Variants in NCBP1 observed in about 807,000 individuals in gnomAD.
NCBP1 encodes the protein nuclear cap-binding protein subunit 1.
Under a neutral mutation model 111.7 loss-of-function variants are expected in NCBP1, and 16 were observed. The observed-to-expected ratio is 0.14, with a 90% CI of 0.10 to 0.22. NCBP1 has a LOEUF of 0.22. Ranked by LOEUF, NCBP1 falls within the 10% of genes least tolerant of loss-of-function variation. The pLI is 1.00. For missense variants in NCBP1, 607 were observed against 957.5 expected (o/e 0.63, Z 4.83); for synonymous variants, 304 against 314.3 (o/e 0.97, Z 0.35).
chr9:97,639,151 T>C (rs1827132385), intron 1 of NCBP1, among the ~76,000 whole-genome samples: 1 of 152,218 alleles, frequency 6.6e-6, no homozygotes, highest in African/African-American at 2.4e-5. Context: ...TCAGCTCTCA[T>C]GCTGCATGCG....
intron 1 of NCBP1, among the ~76,000 whole-genome samples, chr9:97,635,554 G>A (rs1259752776): frequency 6.6e-6 from 1 of 151,940 alleles, no homozygotes; most frequent in African/African-American, 2.4e-5. Flanking sequence ...GGGACCACAG[G>A]CGCGGGCCAC....
intron 3 of NCBP1, among the ~76,000 whole-genome samples, chr9:97,642,311 T>G (rs1827225792): frequency 6.6e-6 from 1 of 152,224 alleles, no homozygotes; most frequent in African/African-American, 2.4e-5. Context: ...CTTGTATTGC[T>G]TCGCAGTGTT....
chr9:97,670,955 C>T, intron 22 of NCBP1, 131 bp from the exon 23 acceptor site: 2 of 527,714 alleles, frequency 3.8e-6, no homozygotes, highest in South Asian at 3.3e-5. Flanking sequence ...TCCATTGTTC[C>T]TATCAGCACT....
intron 10 of NCBP1, among the ~76,000 whole-genome samples, chr9:97,653,307 G>A (rs1309771749): frequency 6.6e-6 from 1 of 152,008 alleles, no homozygotes; most frequent in Non-Finnish European, 1.5e-5. Context: ...TTTTTGTAGA[G>A]ACAGAGTTTC....
At chr9:97,652,518 T>G (rs1351481325) in intron 10 of NCBP1, among the ~76,000 whole-genome samples, 1 of 152,118 alleles carries the variant, frequency 6.6e-6, no homozygotes, top group Non-Finnish European at 1.5e-5. Context: ...TGCCAGCTAC[T>G]TAGGGGTGGG....
intron 2 of NCBP1, among the ~76,000 whole-genome samples, chr9:97,641,188 A>C (rs1228305956): frequency 1.3e-5 from 2 of 152,290 alleles, no homozygotes; most frequent in East Asian, 3.9e-4. Flanking sequence ...CCAGAGTAAG[A>C]GAGTGAATTA....
intron 1 of NCBP1, among the ~76,000 whole-genome samples, chr9:97,634,901 A>G (rs1345120255): frequency 2.0e-5 from 3 of 152,232 alleles, no homozygotes; most frequent in Admixed American, 6.5e-5. Context: ...TCTGTAATAC[A>G]GAAGTAATGA....
Position 97,641,554 on chromosome 9 carries a change from C to G in NCBP1, c.124-8C>G. On this transcript the variant is annotated splice_polypyrimidine_tract_variant and splice_region_variant and intron_variant, in intron 2 of 22. Coordinates refer to ENST00000375147, the MANE Select transcript of NCBP1 (RefSeq NM_002486.5). ...CTTGACAGATATTTAATGTGATGTC[C>G]TCTACAGAGTGCCTGCTCTTTGGAG... 1.2e-6 allele frequency: 2 copies of G among 1,600,912 alleles called. No individual in the cohort carries two copies. Among genetic ancestry groups the G allele is most frequent in the Non-Finnish European group, 1.7e-6 (2 of 1,171,320 alleles).
At chr9:97,641,963 A>G (rs995405736) in intron 3 of NCBP1, among the ~76,000 whole-genome samples, 1 of 152,158 alleles carries the variant, frequency 6.6e-6, no homozygotes, top group African/African-American at 2.4e-5. Context: ...GTACATTTAA[A>G]TGTATGATAC....
chr9:97,669,419 A>G (rs540323903), intron 21 of NCBP1, among the ~76,000 whole-genome samples, 174 bp from the exon 22 acceptor site: 8 of 152,336 alleles, frequency 5.3e-5, no homozygotes, highest in Non-Finnish European at 1.0e-4. Flanking sequence ...GTACCAACTC[A>G]TGTTATTACC....
In NCBP1 at chr9:97,670,998, AGC is replaced by A. The variant is rs549628883; in HGVS notation, c.2260-87_2260-86del. 1,149 of 775,274 alleles carry A rather than the reference AGC, an allele frequency of 1.5e-3. 24 individuals carry two copies. The South Asian group carries it at 0.021, about 14-fold the overall frequency. 48.0% of individuals were successfully genotyped at this position (775,274 alleles called of 1,614,324 possible). A position where few individuals can be genotyped will look rare whatever the true frequency, so the allele number is the denominator to read the frequency against. ...CCCCTTCCTCTTTTCATCATTCTGCAGCATGGGTGGGCTGCTGAAGGAAATGT... is the reference window on the plus strand; with the variant it reads ...CCCCTTCCTCTTTTCATCATTCTGCAATGGGTGGGCTGCTGAAGGAAATGT... On this transcript the variant is annotated intron_variant, in intron 22 of 22. Transcript: ENST00000375147.
intron 14 of NCBP1, 91 bp downstream of exon 14, chr9:97,656,176 C>G: frequency 9.4e-7 from 1 of 1,062,546 alleles, no homozygotes; most frequent in Non-Finnish European, 1.4e-6. Context: ...ATATTGGATT[C>G]AAAATCCACT....
intron 8 of NCBP1, among the ~76,000 whole-genome samples, chr9:97,648,874 A>G (rs1043596959): frequency 6.6e-6 from 1 of 152,046 alleles, no homozygotes; most frequent in African/African-American, 2.4e-5. Context: ...CTAGCCTGGC[A>G]AATTTTTTGT....
chr9:97,662,220 C>T, intron 17 of NCBP1, 76 bp downstream of exon 17: 2 of 1,081,772 alleles, frequency 1.8e-6, no homozygotes, highest in Non-Finnish European at 2.8e-6. Flanking sequence ...GTAATTTTTA[C>T]CTAAGATTGT....
intron 16 of NCBP1, 104 bp downstream of exon 16, chr9:97,661,172 CTGTT>C: frequency 3.6e-6 from 5 of 1,403,508 alleles, no homozygotes; most frequent in Non-Finnish European, 4.8e-6. Context: ...ATATCTATAT[CTGTT>C]TGACCTGTTC....
intron 15 of NCBP1, among the ~76,000 whole-genome samples, chr9:97,659,113 C>A (rs1247603258): frequency 6.6e-6 from 1 of 152,202 alleles, no homozygotes; most frequent in African/African-American, 2.4e-5. Context: ...ATATTTGTGG[C>A]AGTATGCCTT....
chr9:97,645,778 A>G lies in NCBP1; in HGVS notation c.611+46A>G, dbSNP rs759370768. On this transcript the variant is annotated intron_variant, in intron 6 of 22. Coordinates refer to ENST00000375147, the MANE Select transcript of NCBP1 (RefSeq NM_002486.5). ...ACTCTTTGTTGCTTAGGTAAAGGAT[A>G]TCTTATATCAGTGATACCATTTGAG... 4 of 1,594,022 alleles carry G rather than the reference A, an allele frequency of 2.5e-6. No homozygotes were observed. The South Asian group carries it at 3.3e-5, about 13-fold the overall frequency.
At chr9:97,656,588 G>A (rs1418694283) in intron 14 of NCBP1, among the ~76,000 whole-genome samples, 3 of 152,090 alleles carry the variant, frequency 2.0e-5, no homozygotes, top group Admixed American at 2.0e-4. Flanking sequence ...TATATGAAAT[G>A]AATTCAGATT....
intron 5 of NCBP1, among the ~76,000 whole-genome samples, 188 bp from the exon 6 acceptor site, chr9:97,645,423 G>A (rs965051542): frequency 6.6e-6 from 1 of 152,070 alleles, no homozygotes; most frequent in Admixed American, 6.6e-5. Flanking sequence ...CATAATATCT[G>A]TATGTTGATT....
Sources: gnomAD v4.1 joint callset for allele counts (sites outside exome capture counted in the v4.1 genomes callset) on GRCh38, gnomAD v4.1.1 for gene constraint, MANE v1.5 for transcripts, NCBI Gene and HGNC (gene_info 2026-07-23, HGNC 2026-07-21) for gene names.